Variants in TUSC3 observed in about 807,000 individuals in gnomAD.
TUSC3 encodes tumor suppressor candidate 3.
Under a neutral mutation model 44.8 loss-of-function variants are expected in TUSC3, and 45 were observed. The observed-to-expected ratio is 1.00, with a 90% confidence interval of 0.79 to 1.29. The LOEUF (loss-of-function observed/expected upper bound fraction) is 1.29, where lower values mean the gene tolerates loss of function less well. Among genes scored for constraint, TUSC3 ranks in the 50% most tolerant of loss-of-function variants. TUSC3 has a pLI of 0.00. For synonymous variants in TUSC3, 212 were observed against 152.9 expected (o/e 1.39, Z -2.85); for missense variants, 519 against 437.9 (o/e 1.19, Z -1.65).
At chr8:15,564,541 C>G (rs149889124) in intron 1 of TUSC3, among the ~76,000 whole-genome samples, 34 of 152,174 alleles carry the variant, frequency 2.2e-4, no homozygotes, top group African/African-American at 8.2e-4. Context: ...TTTAGAGCTA[C>G]TTATGTCATT....
intron 3 of TUSC3, among the ~76,000 whole-genome samples, chr8:15,653,031 A>G (rs1471159617): frequency 6.6e-6 from 1 of 152,246 alleles, no homozygotes; most frequent in Non-Finnish European, 1.5e-5. Flanking sequence ...TATTAAAACA[A>G]TGCCTTTCTT....
intron 2 of TUSC3, among the ~76,000 whole-genome samples, chr8:15,516,876 A>G (rs999851630): frequency 3.9e-5 from 6 of 152,212 alleles, no homozygotes; most frequent in African/African-American, 1.4e-4. Context: ...TAAATATTAG[A>G]ATGTTCATAT....
intron 1 of TUSC3, among the ~76,000 whole-genome samples, chr8:15,548,737 T>G (rs1254691250): frequency 6.6e-6 from 1 of 151,878 alleles, no homozygotes; most frequent in Non-Finnish European, 1.5e-5. Context: ...GAATTAAGCA[T>G]TTTGCCCATG....
intron 1 of TUSC3, among the ~76,000 whole-genome samples, chr8:15,480,939 C>G (rs1340564841): frequency 2.0e-5 from 3 of 152,092 alleles, no homozygotes; most frequent in Non-Finnish European, 4.4e-5. Flanking sequence ...ACTTAATCAC[C>G]TTTGCAACAG....
chr8:15,533,991 T>A (rs1211602952), intron 2 of TUSC3, among the ~76,000 whole-genome samples: 2 of 152,138 alleles, frequency 1.3e-5, no homozygotes, highest in Non-Finnish European at 2.9e-5. Flanking sequence ...GCCTTTGGGT[T>A]GGATTTAGGC....
At chr8:15,639,262 A>G (rs1237838983) in intron 2 of TUSC3, among the ~76,000 whole-genome samples, 3 of 151,662 alleles carry the variant, frequency 2.0e-5, no homozygotes, top group African/African-American at 7.3e-5. Flanking sequence ...TCATGTGTCG[A>G]TGCTAGATCA....
At chr8:15,835,685 C>T in the TUSC3 span, among the ~76,000 whole-genome samples, 2 of 151,918 alleles carry the variant, frequency 1.3e-5, no homozygotes, top group Non-Finnish European at 2.9e-5. Context: ...TTTTGGAATG[C>T]TCTGTGCAGC....
chr8:15,715,902 CA>C (rs949006321), intron 6 of TUSC3, among the ~76,000 whole-genome samples: 1 of 151,664 alleles, frequency 6.6e-6, no homozygotes. Context: ...GATTTATATA[CA>C]AAAAAATGCA....
At chr8:15,755,421 T>G (rs1228382169) in intron 9 of TUSC3, among the ~76,000 whole-genome samples, 1 of 152,096 alleles carries the variant, frequency 6.6e-6, no homozygotes, top group Non-Finnish European at 1.5e-5. Flanking sequence ...TGCTAAAAAG[T>G]TTTTCTTTAC....
chr8:15,689,896 C>G (rs770841049), intron 6 of TUSC3, among the ~76,000 whole-genome samples: 32 of 142,834 alleles, frequency 2.2e-4, no homozygotes, highest in Non-Finnish European at 3.5e-4. Context: ...GCCACATTTT[C>G]TATATCTGTT....
chr8:15,830,535 T>C, the TUSC3 span, among the ~76,000 whole-genome samples: 5 of 152,114 alleles, frequency 3.3e-5, no homozygotes, highest in African/African-American at 4.8e-5. Context: ...GATGACTGCA[T>C]TAAAAAATGT....
intron 2 of TUSC3, among the ~76,000 whole-genome samples, chr8:15,515,762 G>A (rs1585072613): frequency 1.3e-5 from 2 of 152,150 alleles, no homozygotes; most frequent in Middle Eastern, 6.8e-3. Context: ...CTCCCTCCCA[G>A]GTTCAAGTAA....
intron 2 of TUSC3, among the ~76,000 whole-genome samples, chr8:15,637,714 G>T (rs568996547): frequency 4.6e-4 from 70 of 151,984 alleles, no homozygotes; most frequent in African/African-American, 1.7e-3. Flanking sequence ...TGTGGGGTGG[G>T]GATGGCTAGA....
intron 1 of TUSC3, among the ~76,000 whole-genome samples, chr8:15,556,514 T>C (rs1471803316): frequency 6.6e-6 from 1 of 151,024 alleles, no homozygotes; most frequent in African/African-American, 2.4e-5. Flanking sequence ...TTTGGGTATA[T>C]ACCCAGTAAT....
At chr8:15,465,921 A>C (rs1263258246) in intron 1 of TUSC3, among the ~76,000 whole-genome samples, 1 of 152,198 alleles carries the variant, frequency 6.6e-6, no homozygotes, top group South Asian at 2.1e-4. Context: ...TCCCTAGTTC[A>C]TCGTGATATA....
chr8:15,567,029 A>T (rs1375936871), intron 1 of TUSC3, among the ~76,000 whole-genome samples: 1 of 152,136 alleles, frequency 6.6e-6, no homozygotes, highest in African/African-American at 2.4e-5. Context: ...AGATAATGGC[A>T]AATTGGGAAT....
chr8:15,552,237 G>T (rs1450133009), intron 1 of TUSC3, among the ~76,000 whole-genome samples: 1 of 151,774 alleles, frequency 6.6e-6, no homozygotes, highest in Non-Finnish European at 1.5e-5. Context: ...ACATGTTACT[G>T]AACAAAGTGC....
rs535576937 is a variant in TUSC3 at position 15,633,008 on chromosome 8, C to G, written c.308+9759C>G. Among the ~76,000 whole-genome samples the G allele has an allele frequency of 3.3e-5, 5 of 152,280 alleles. No homozygotes were observed. In the South Asian group the frequency reaches 8.3e-4, roughly 25 times the overall value. ...GGAAATGATATTTAGAAAGCAAAAACTTAGCTAGGTGTACGCTTTACTGCT... is the reference window on the plus strand; with the variant it reads ...GGAAATGATATTTAGAAAGCAAAAAGTTAGCTAGGTGTACGCTTTACTGCT... On this transcript the variant is annotated intron_variant, in intron 2 of 10. Transcript: ENST00000503731.
intron 3 of TUSC3, among the ~76,000 whole-genome samples, chr8:15,653,478 C>G (rs1006675503): frequency 2.0e-5 from 3 of 151,928 alleles, no homozygotes; most frequent in East Asian, 1.9e-4. Context: ...TCATTAAATT[C>G]TTTTGTATGC....
Sources: allele counts gnomAD v4.1 joint callset (sites outside exome capture counted in the v4.1 genomes callset), GRCh38; gene constraint gnomAD v4.1.1; transcripts MANE v1.5; gene names NCBI Gene and HGNC (gene_info 2026-07-23, HGNC 2026-07-21).